TP53INP1: variants seen among roughly 807,000 people sequenced by gnomAD.
The protein encoded by TP53INP1 is tumor protein p53 inducible nuclear protein 1, also known as tumor protein p53-inducible nuclear protein 1.
Under a neutral mutation model 21.0 loss-of-function variants are expected in TP53INP1, and 12 were observed. That is an observed-to-expected ratio of 0.57 (90% confidence interval 0.37 to 0.93). The LOEUF (loss-of-function observed/expected upper bound fraction) is 0.93, where lower values mean the gene tolerates loss of function less well. Among genes scored for constraint, TP53INP1 ranks in the 40% least tolerant of loss-of-function variants. The probability of loss-of-function intolerance (pLI) is 0.01; values close to 1 mark genes in which losing one functional copy is unlikely to be tolerated. For synonymous variants in TP53INP1, 91 were observed against 94.8 expected (o/e 0.96, Z 0.23); for missense variants, 274 against 294.7 (o/e 0.93, Z 0.51).
chr8:94,944,537 G>A (rs986098190), intron 1 of TP53INP1, among the ~76,000 whole-genome samples: 8 of 152,174 alleles, frequency 5.3e-5, no homozygotes, highest in African/African-American at 1.7e-4. Context: ...CAAAGTCAGA[G>A]GCTGCCTCCA....
chr8:94,932,089 T>A, intron 3 of TP53INP1: 1 of 1,610,604 alleles, frequency 6.2e-7, no homozygotes. Context: ...GTGAGTCTTA[T>A]AAGCAGCTTT....
rs1353570944 is a variant in TP53INP1, at chr8:94,927,846, TC to T, written c.*2632del. 6.6e-6 allele frequency: 1 copy of T among 152,508 alleles called. No individual in the cohort carries two copies. The highest frequency in any genetic ancestry group is 1.5e-5 in the Non-Finnish European group (1 of 68,032). The allele number at this position is 152,508 out of a possible 1,614,324, so 9.4% of individuals were successfully genotyped here. ...GCTACTAATTCAGAGAGGTCTTATT[TC>T]TCACTGCTTGCATTTTAAAGAAATA... On this transcript the variant is annotated 3_prime_UTR_variant, in exon 4 of 4. Transcript: ENST00000342697.
At chr8:94,934,389 ATT>A (rs757874716) in intron 3 of TP53INP1, among the ~76,000 whole-genome samples, 5 of 143,298 alleles carry the variant, frequency 3.5e-5, no homozygotes, top group African/African-American at 5.1e-5. Flanking sequence ...TATAAATTCT[ATT>A]TTTTTTTTTT....
chr8:94,932,217 C>T, intron 3 of TP53INP1: 1 of 1,141,124 alleles, frequency 8.8e-7, no homozygotes, highest in South Asian at 1.3e-5. Flanking sequence ...TTACTATGTG[C>T]CATTAAAGGC....
At chr8:94,939,138 T>G (rs1821276464) in intron 3 of TP53INP1, among the ~76,000 whole-genome samples, 1 of 152,276 alleles carries the variant, frequency 6.6e-6, no homozygotes, top group East Asian at 1.9e-4. Context: ...TTTGTTAAAT[T>G]CTCAGACAAG....
At chr8:94,932,070 T>C in intron 3 of TP53INP1, 8 of 1,609,882 alleles carry the variant, frequency 5.0e-6, no homozygotes, top group Non-Finnish European at 6.8e-6. Flanking sequence ...ATATACTTAC[T>C]CTGTGCCCGT....
rs1463666947 is a variant in TP53INP1 at position 94,940,229 on chromosome 8, T to G, written c.113-9A>C. 1 of 1,597,202 alleles carries G rather than the reference T, an allele frequency of 6.3e-7. No individual in the cohort carries two copies. The highest frequency in any genetic ancestry group is 8.5e-7 in the Non-Finnish European group (1 of 1,170,946). On this transcript the variant is annotated splice_polypyrimidine_tract_variant and intron_variant, in intron 2 of 3. Coordinates refer to ENST00000342697, the MANE Select transcript of TP53INP1 (RefSeq NM_033285.4). Reference sequence around the variant, plus strand: ...GAAACCAGTGCAAGTATCTAGATCGTAGTCCACATTGCAGTCCACATGTGT... The same window carrying G: ...GAAACCAGTGCAAGTATCTAGATCGGAGTCCACATTGCAGTCCACATGTGT...
chr8:94,942,137 C>T (rs972538894), intron 1 of TP53INP1, among the ~76,000 whole-genome samples: 13 of 151,760 alleles, frequency 8.6e-5, no homozygotes, highest in African/African-American at 1.7e-4. Flanking sequence ...CCCGGGTTCA[C>T]GCCATTCTCC....
intron 1 of TP53INP1, among the ~76,000 whole-genome samples, 198 bp downstream of exon 1, chr8:94,948,956 A>G (rs894905838): frequency 6.7e-6 from 1 of 150,224 alleles, no homozygotes; most frequent in African/African-American, 2.4e-5. Flanking sequence ...GCCGCCGAGG[A>G]CCGACCCACT....
At position 94,930,401 on chromosome 8, in the gene TP53INP1, C is replaced by G; in HGVS notation, c.*78G>C. 7 of 1,559,062 alleles carry G rather than the reference C, an allele frequency of 4.5e-6. No homozygotes were observed. Among genetic ancestry groups the G allele is most frequent in the Non-Finnish European group, 6.1e-6 (7 of 1,147,560 alleles). ...TTATCAATTGGTTGTAAAGAGACAA[C>G]ATTTTCACTGTACATATACACACAT... On this transcript the variant is annotated 3_prime_UTR_variant, in exon 4 of 4. Coordinates refer to ENST00000342697, the MANE Select transcript of TP53INP1 (RefSeq NM_033285.4).
chr8:94,945,080 C>G (rs1821874389), intron 1 of TP53INP1, among the ~76,000 whole-genome samples: 1 of 152,148 alleles, frequency 6.6e-6, no homozygotes. Context: ...TTTCATTTTA[C>G]TATTTAATCC....
chr8:94,934,784 T>C (rs1586709733), intron 3 of TP53INP1, among the ~76,000 whole-genome samples: 1 of 152,272 alleles, frequency 6.6e-6, no homozygotes, highest in South Asian at 2.1e-4. Flanking sequence ...ATTAAATCAA[T>C]AGCAACTCCA....
At chr8:94,935,715 C>G (rs555354999) in intron 3 of TP53INP1, among the ~76,000 whole-genome samples, 4 of 152,206 alleles carry the variant, frequency 2.6e-5, no homozygotes, top group African/African-American at 9.6e-5. Flanking sequence ...ATTGGTAAAG[C>G]CCTGATTCAG....
intron 3 of TP53INP1, among the ~76,000 whole-genome samples, chr8:94,931,609 C>CACACACACACATATATAT (rs146282014): frequency 6.6e-6 from 1 of 151,680 alleles, no homozygotes; most frequent in African/African-American, 2.4e-5. Context: ...CACACACACA[C>CACACACACACATATATAT]ATAAAATTTT....
intron 3 of TP53INP1, 106 bp downstream of exon 3, chr8:94,939,753 TA>T: frequency 1.4e-6 from 2 of 1,470,298 alleles, no homozygotes; most frequent in Non-Finnish European, 9.2e-7. Flanking sequence ...CATAAATCTC[TA>T]ACAAAATTAG....
At chr8:94,949,068 G>A (rs1465215168) in intron 1 of TP53INP1, 86 bp downstream of exon 1, 1 of 148,232 alleles carries the variant, frequency 6.7e-6, no homozygotes, top group African/African-American at 2.4e-5. Context: ...CGGCCCCGCC[G>A]GGCTCAGGAG....
At chr8:94,933,253 TTA>T (rs1158261333) in intron 3 of TP53INP1, among the ~76,000 whole-genome samples, 2 of 152,156 alleles carry the variant, frequency 1.3e-5, no homozygotes, top group African/African-American at 4.8e-5. Context: ...CTTTGACCCT[TTA>T]TATATGGAAA....
chr8:94,941,160 TACAC>T, intron 1 of TP53INP1, 69 bp from the exon 2 acceptor site: 1 of 476,416 alleles, frequency 2.1e-6, no homozygotes, highest in South Asian at 3.3e-5. Flanking sequence ...TACATACACA[TACAC>T]ACATACCCTT....
At chr8:94,933,837 G>GGT (rs1554630467) in intron 3 of TP53INP1, among the ~76,000 whole-genome samples, 1 of 148,148 alleles carries the variant, frequency 6.8e-6, no homozygotes, top group Non-Finnish European at 1.5e-5. Flanking sequence ...CACTTTGTGG[G>GGT]GGGGGGGGGA....
Sources: allele counts gnomAD v4.1 joint callset (sites outside exome capture counted in the v4.1 genomes callset), GRCh38; gene constraint gnomAD v4.1.1; transcripts MANE v1.5; gene names NCBI Gene and HGNC (gene_info 2026-07-23, HGNC 2026-07-21).